The following CDK11B variants were observed in gnomAD, a reference collection of about 807,000 sequenced individuals.
CDK11B encodes the protein cyclin-dependent kinase 11B.
A neutral mutation model predicts 84.0 loss-of-function variants in CDK11B; 37 were observed. The ratio of observed to expected loss-of-function variants is 0.44; its 90% CI spans 0.34 to 0.58. The LOEUF (loss-of-function observed/expected upper bound fraction) is 0.58. CDK11B is among the 20% of genes least tolerant of loss of function. CDK11B has a pLI of 0.02. For missense variants in CDK11B, 427 were observed against 834.0 expected, an observed-to-expected ratio of 0.51 and a Z score of 6.01; for synonymous variants, 269 against 309.8, an observed-to-expected ratio of 0.87 and a Z score of 1.38.
intron 3 of CDK11B, among the ~76,000 whole-genome samples, chr1:1,654,443 ATCT>A (rs771380954): frequency 5.3e-5 from 8 of 152,088 alleles, no homozygotes; most frequent in South Asian, 2.1e-4. Context: ...AGTTTTTCTC[ATCT>A]TCTTTTTTTT....
chr1:1,650,409 A>T, intron 4 of CDK11B, among the ~76,000 whole-genome samples: 1 of 128,492 alleles, frequency 7.8e-6, no homozygotes, highest in East Asian at 2.6e-4. Context: ...TCTGTCGCCC[A>T]GGCTGGAGTG....
intron 2 of CDK11B, among the ~76,000 whole-genome samples, chr1:1,656,588 G>C (rs1194982851): frequency 2.6e-5 from 4 of 152,280 alleles, no homozygotes; most frequent in African/African-American, 9.6e-5. Context: ...AGGAGATTAA[G>C]ATCATCCTGG....
chr1:1,636,620 C>G (rs756608011), intron 17 of CDK11B, 62 bp downstream of exon 17: 35 of 1,608,224 alleles, frequency 2.2e-5, no homozygotes, highest in Middle Eastern at 3.3e-4. Flanking sequence ...GTGCGCCCCG[C>G]AGCCCCATTC....
chr1:1,651,970 T>C (rs1486966276), intron 4 of CDK11B, among the ~76,000 whole-genome samples: 4 of 152,134 alleles, frequency 2.6e-5, no homozygotes, highest in South Asian at 4.2e-4. Flanking sequence ...TTGCTCTGTA[T>C]AGCCCTTCTG....
chr1:1,651,460 A>G (rs1316521621), intron 4 of CDK11B, among the ~76,000 whole-genome samples: 1 of 71,288 alleles, frequency 1.4e-5, no homozygotes, highest in Non-Finnish European at 2.7e-5. Context: ...GCATGCTTTC[A>G]GCTAGAGTAC....
chr1:1,649,623 C>T lies in CDK11B; in HGVS notation c.370G>A (p.Val124Met). 2 of 1,610,636 alleles carry T rather than the reference C, an allele frequency of 1.2e-6. No individual in the cohort carries two copies. The highest frequency in any genetic ancestry group is 1.7e-6 in the Non-Finnish European group (2 of 1,177,208). ...TCGTGCTCTCTTTCTTTTTCTTTCA[C>T]TCTAGCATGCTTCCCTAATGAGAAA... ...HSAEGGKHAR[V>M]KEKEREHERR... The change falls in exon 5 of 20, where the codon GTG becomes ATG. Residue 124 changes from valine (V) to methionine (M), a missense_variant. Physicochemically the swap from Val to Met is conservative, Grantham distance 21. Transcript: ENST00000341832.
rs1302968235 is a variant in CDK11B at position 1,636,768 on chromosome 1, C to T, written c.1831G>A (p.Val611Met). Residue 611 changes from valine to methionine, a missense_variant, in exon 17 of 20, where the codon GTG (valine) becomes ATG (methionine). Transcript: ENST00000341832. ...EYSTAVDMWS[V>M]GCIFGELLTQ... ...AGCAGCTCCCCGAAGATGCAACCCA[C>T]TGACCACATGTCCACGGCCGTGGAG... 4 of 1,613,822 alleles carry T rather than the reference C, an allele frequency of 2.5e-6. No individual in the cohort carries two copies. Among genetic ancestry groups the T allele is most frequent in the African/African-American group, 1.3e-5 (1 of 74,912 alleles).
In CDK11B at chr1:1,635,504, G is replaced by C; in HGVS notation, c.*260C>G. On this transcript the variant is annotated 3_prime_UTR_variant, in exon 20 of 20. Transcript: ENST00000341832. ...GCGTGTCGAGAGTGGGAGAGGGTGT[G>C]TGGAGGTTTGTGCTGCCCCACGTGG... The C allele has an allele frequency of 2.4e-6, 1 of 420,418 alleles. No individual in the cohort carries two copies. The highest frequency in any genetic ancestry group is 4.1e-6 in the Non-Finnish European group (1 of 246,058). 26.0% of individuals were successfully genotyped at this position (420,418 alleles called of 1,614,324 possible).
In CDK11B at chr1:1,640,323, G is replaced by A. The variant is rs759277726; in HGVS notation, c.1205C>T (p.Pro402Leu). 30 of 1,613,578 alleles carry A rather than the reference G, an allele frequency of 1.9e-5. No individual in the cohort carries two copies. The highest frequency in any genetic ancestry group is 2.4e-5 in the Non-Finnish European group (28 of 1,179,674). Reference sequence around the variant, plus strand: ...GGGCAGCTCCTGCTTGAGCTCGATGGGCGACAGGGCAGGGGAGTCGGGCAC... The same window carrying A: ...GGGCAGCTCCTGCTTGAGCTCGATGAGCGACAGGGCAGGGGAGTCGGGCAC... Reference protein sequence around the residue: ...DYVPDSPALSPIELKQELPKY... With the variant: ...DYVPDSPALSLIELKQELPKY... Residue 402 changes from proline (P) to leucine (L), a missense_variant, in exon 11 of 20, where the codon CCC becomes CTC. Physicochemically the swap from Pro to Leu is moderately conservative, Grantham distance 98. Coordinates refer to ENST00000341832, the MANE Select transcript of CDK11B (RefSeq NM_033486.3).
rs1452772684 is a variant in CDK11B at position 1,652,001 on chromosome 1, T to C, written c.355+438A>G. Among the ~76,000 whole-genome samples, 875 of 150,198 alleles carry C rather than the reference T, an allele frequency of 5.8e-3. 3 individuals are homozygous for C. The highest frequency in any genetic ancestry group is 9.2e-3 in the Non-Finnish European group (619 of 67,506). Reference sequence around the variant, plus strand: ...TTCTGAATGGTCTGTGACACACGCGTGCTTTCAGCTAGAGTTTGCTCTCTC... The same window carrying C: ...TTCTGAATGGTCTGTGACACACGCGCGCTTTCAGCTAGAGTTTGCTCTCTC... On this transcript the variant is annotated intron_variant, in intron 4 of 19. Coordinates refer to ENST00000341832, the MANE Select transcript of CDK11B (RefSeq NM_033486.3).
chr1:1,648,661 GTTCT>G (rs1340509755), intron 5 of CDK11B, among the ~76,000 whole-genome samples: 1 of 152,202 alleles, frequency 6.6e-6, no homozygotes, highest in Non-Finnish European at 1.5e-5. Context: ...CTACACCGAT[GTTCT>G]TTCTTGGGAA....
rs780005575 is a variant in CDK11B at position 1,637,748 on chromosome 1, G to A, written c.1464+14C>T. 1 of 1,613,688 alleles carries A rather than the reference G, an allele frequency of 6.2e-7. No homozygotes were observed. Among genetic ancestry groups the A allele is most frequent in the Non-Finnish European group, 8.5e-7 (1 of 1,179,694 alleles). Reference sequence around the variant, plus strand: ...CCTTCCACCCGGGGCCAGGCGTGGTGGGGCCATGCTCACTCTAACGGTGAC... The same window carrying A: ...CCTTCCACCCGGGGCCAGGCGTGGTAGGGCCATGCTCACTCTAACGGTGAC... On this transcript the variant is annotated intron_variant, in intron 13 of 19. Coordinates refer to ENST00000341832, the MANE Select transcript of CDK11B (RefSeq NM_033486.3).
At chr1:1,655,298 C>T (rs11486023) in intron 3 of CDK11B, 71 bp downstream of exon 3, 84,920 of 1,532,862 alleles carry the variant, frequency 0.055, 4,966 homozygotes, top group East Asian at 0.33. Context: ...GTTGTCACAG[C>T]GACCCTAGGA....
chr1:1,653,854 AC>A (rs1642358658), intron 3 of CDK11B, among the ~76,000 whole-genome samples: 90 of 150,470 alleles, frequency 6.0e-4, no homozygotes, highest in Non-Finnish European at 1.0e-3. Context: ...ACACACACAC[AC>A]ACACACACCC....
At position 1,639,531 on chromosome 1, in the gene CDK11B, C is replaced by G. The variant is rs939926250; in HGVS notation, c.1251+746G>C. Among the ~76,000 whole-genome samples, 15 of 151,926 alleles carry G rather than the reference C, an allele frequency of 9.9e-5. 1 individual carries two copies. Among genetic ancestry groups the G allele is most frequent in the Admixed American group, 8.5e-4 (13 of 15,258 alleles). ...CCAGGCGCAGCATGATGCCCCATGC[C>G]AGGGCACCTACCCCTCCGTGTACCT... On this transcript the variant is annotated intron_variant, in intron 11 of 19. Transcript: ENST00000341832.
intron 4 of CDK11B, among the ~76,000 whole-genome samples, chr1:1,651,355 TAG>T (rs1210324065): frequency 2.6e-5 from 4 of 152,236 alleles, no homozygotes. Flanking sequence ...CGCTTTCAGC[TAG>T]AGTTTGCTCT....
At chr1:1,637,582 C>A (rs376482852) in intron 13 of CDK11B, 69 bp from the exon 14 acceptor site, 24,735 of 1,579,770 alleles carry the variant, frequency 0.016, 694 homozygotes, top group East Asian at 0.087. Context: ...CCGGGTGCAG[C>A]TGCTGAGGGA....
At chr1:1,643,651 G>A (rs1640589371) in intron 6 of CDK11B, among the ~76,000 whole-genome samples, 1 of 144,858 alleles carries the variant, frequency 6.9e-6, no homozygotes, top group South Asian at 2.2e-4. Context: ...AGAGACAGAA[G>A]ATCCAACAAG....
At chr1:1,655,634 GA>G (rs1642643484) in intron 2 of CDK11B, 150 bp from the exon 3 acceptor site, 2 of 1,301,426 alleles carry the variant, frequency 1.5e-6, no homozygotes, top group Non-Finnish European at 2.0e-6. Context: ...AAAATATAAA[GA>G]ACTTTTGGCC....
Sources: allele counts gnomAD v4.1 joint callset (sites outside exome capture counted in the v4.1 genomes callset), GRCh38; gene constraint gnomAD v4.1.1; transcripts MANE v1.5; gene names NCBI Gene and HGNC (gene_info 2026-07-23, HGNC 2026-07-21).